ARMCX4: variants seen among roughly 807,000 people sequenced by gnomAD.
The protein encoded by ARMCX4 is armadillo repeat-containing X-linked protein 4.
A neutral mutation model predicts 34.7 loss-of-function variants in ARMCX4; 3 were observed. That is an observed-to-expected ratio of 0.09 (90% CI 0.04 to 0.22). The LOEUF is 0.22. Among genes scored for constraint, ARMCX4 ranks in the 10% least tolerant of loss-of-function variants. The probability of loss-of-function intolerance (pLI) is 1.00; values close to 1 mark genes in which losing one functional copy is unlikely to be tolerated. For synonymous variants in ARMCX4, 513 were observed against 632.8 expected (o/e 0.81, Z 2.84); for missense variants, 1,448 against 1,720.8 (o/e 0.84, Z 2.81).
At chrX:101,461,753 A>C (rs1932620189) in intron 4 of ARMCX4, among the ~76,000 whole-genome samples, 1 of 112,030 alleles carries the variant, frequency 8.9e-6, no homozygotes, top group Non-Finnish European at 1.9e-5. Context: ...TTTTTAAATA[A>C]TAGCCATCCT....
In ARMCX4 at chrX:101,490,528, A is replaced by G; in HGVS notation, c.1939A>G (p.Lys647Glu). Reference protein sequence around the residue: ...QGEALLGTKNKVKGNPNVVLK... With the variant: ...QGEALLGTKNEVKGNPNVVLK... ...TGAGGCCTTGCTTGGCACCAAGAAT[A>G]AAGTTAAGGGTAATCCCAATGTTGT... Residue 647 changes from lysine to glutamate, a missense_variant, in exon 6 of 6, where the codon AAA becomes GAA. Transcript: ENST00000423738. 4 of 1,156,094 alleles carry G rather than the reference A, an allele frequency of 3.5e-6. No homozygotes were observed. Among genetic ancestry groups the G allele is most frequent in the Non-Finnish European group, 4.6e-6 (4 of 872,975 alleles).
At chrX:101,461,859 A>G (rs1556001258) in intron 4 of ARMCX4, among the ~76,000 whole-genome samples, 1 of 112,323 alleles carries the variant, frequency 8.9e-6, no homozygotes, top group Admixed American at 9.5e-5. Flanking sequence ...ACATTATTGA[A>G]AAATTTAAAA....
intron 11 of ARMCX4, chrX:101,531,511 A>C (rs144089026): frequency 1.7e-3 from 186 of 112,488 alleles, no homozygotes; most frequent in African/African-American, 5.7e-3. Flanking sequence ...AGTAAACATG[A>C]GAGGTCAGTC....
chrX:101,499,742 C>T (rs147107169), downstream of ARMCX4, among the ~76,000 whole-genome samples: 2,035 of 111,854 alleles, frequency 0.018, 15 homozygotes, highest in Non-Finnish European at 0.028. Context: ...AACACAGTAC[C>T]CCTAGTGGGT....
At chrX:101,521,513 G>T (rs782124552) in intron 11 of ARMCX4, among the ~76,000 whole-genome samples, 2 of 110,222 alleles carry the variant, frequency 1.8e-5, no homozygotes, top group African/African-American at 6.6e-5. Context: ...CCAGACTTTG[G>T]TTCTATTGGT....
At chrX:101,442,949 G>A (rs947637222) in intron 2 of ARMCX4, among the ~76,000 whole-genome samples, 21 of 109,720 alleles carry the variant, frequency 1.9e-4, no homozygotes, top group African/African-American at 5.3e-4. Flanking sequence ...TGGCTAACTC[G>A]GTGAAACTCT....
intron 2 of ARMCX4, among the ~76,000 whole-genome samples, chrX:101,436,128 C>G (rs1476021846): frequency 1.8e-5 from 2 of 108,196 alleles, no homozygotes; most frequent in Admixed American, 1.0e-4. Flanking sequence ...GCAATGCAGG[C>G]TCTTTTTTGG....
chrX:101,459,044 T>C (rs1395661487), intron 4 of ARMCX4, among the ~76,000 whole-genome samples: 5 of 111,506 alleles, frequency 4.5e-5, no homozygotes, highest in Non-Finnish European at 9.4e-5. Context: ...TGGGTATAAG[T>C]ATGCTATTCA....
rs1352354169 is a variant in ARMCX4 at position 101,425,489 on chromosome X, G to A, written n.164+6489G>A. 1.7e-4 allele frequency among the ~76,000 whole-genome samples: 18 copies of A among 108,969 alleles called. No homozygotes were observed. In the Admixed American group the frequency reaches 1.8e-3, roughly 11 times the overall value. The allele number at this position is 108,969 out of a possible 115,157, so 94.6% of individuals were successfully genotyped here. A position where few individuals can be genotyped will look rare whatever the true frequency, so the allele number is the denominator to read the frequency against. On this transcript the variant is annotated intron_variant and non_coding_transcript_variant, in intron 2 of 3. Transcript: ENST00000430461. ...GCTCACTGCAACTTCCGCCTCCCGG[G>A]TTCAAGCAATTTTCCTGCCTCAGCC...
At position 101,491,296 on chromosome X, in the gene ARMCX4, G is replaced by C. The variant is rs1933968519; in HGVS notation, c.2707G>C (p.Asp903His). 1.7e-6 allele frequency: 2 copies of C among 1,155,982 alleles called. No individual in the cohort carries two copies. The highest frequency in any genetic ancestry group is 1.1e-6 in the Non-Finnish European group (1 of 872,796). ...NVVSKAGARE[D>H]TMGSAQPQVV... is the part of the protein sequence containing the mutation. Reference sequence around the variant, plus strand: ...TGTGTCTAAGGCAGGGGCCAGAGAAGATACAATGGGCTCTGCCCAGCCTCA... The same window carrying C: ...TGTGTCTAAGGCAGGGGCCAGAGAACATACAATGGGCTCTGCCCAGCCTCA... Residue 903 changes from aspartate (D) to histidine (H), a missense_variant, in exon 6 of 6, where the codon GAT becomes CAT. This residue lies in a region of ARMCX4 where 1,343 missense variants were observed against 1,540.7 expected (regional missense o/e 0.87). Transcript: ENST00000423738.
At chrX:101,447,537 T>C (rs1603136861), downstream of ARMCX4, 1 of 111,878 alleles carries the variant, frequency 8.9e-6, no homozygotes. Flanking sequence ...AATCTGATAA[T>C]GAAACAAACA....
At chrX:101,421,709 C>T (rs782120624) in intron 2 of ARMCX4, among the ~76,000 whole-genome samples, 3 of 110,264 alleles carry the variant, frequency 2.7e-5, no homozygotes. Context: ...AAAGAAGGGC[C>T]AAGAGATAGA....
intron 11 of ARMCX4, among the ~76,000 whole-genome samples, chrX:101,530,324 G>A (rs1286371147): frequency 2.7e-5 from 3 of 110,938 alleles, no homozygotes; most frequent in African/African-American, 9.9e-5. Flanking sequence ...TCACACACCG[G>A]AGCCTTCCGT....
intron 11 of ARMCX4, among the ~76,000 whole-genome samples, chrX:101,530,490 AT>A (rs1225255790): frequency 1.8e-5 from 2 of 112,129 alleles, no homozygotes; most frequent in African/African-American, 6.5e-5. Context: ...TAATAAAAAA[AT>A]AAAAAATAAA....
At position 101,488,869 on chromosome X, in the gene ARMCX4, A is replaced by G. The variant is rs1183815718; in HGVS notation, c.280A>G (p.Ile94Val). ...RAEVETKATA[I>V]AIHRANSQAK... ...TGAAGTAGAGACCAAGGCCACTGCT[A>G]TAGCCATACACAGAGCCAACTCTCA... The change falls in exon 6 of 6, where the codon ATA becomes GTA. Residue 94 changes from isoleucine to valine, a missense_variant. By Grantham distance (29) the Ile-to-Val change is conservative (BLOSUM62 3). This residue lies in a region of ARMCX4 where 1,343 missense variants were observed against 1,540.7 expected (regional missense o/e 0.87). Transcript: ENST00000423738. 3.5e-6 allele frequency: 4 copies of G among 1,155,803 alleles called. No individual in the cohort carries two copies. The highest frequency in any genetic ancestry group is 4.6e-6 in the Non-Finnish European group (4 of 872,662).
At chrX:101,535,802 T>TTTAATGAA (rs1935208909), downstream of ARMCX4, among the ~76,000 whole-genome samples, 1 of 112,146 alleles carries the variant, frequency 8.9e-6, no homozygotes. Flanking sequence ...GGTTACTTTT[T>TTTAATGAA]AAGTCCCTTT....
intron 11 of ARMCX4, among the ~76,000 whole-genome samples, chrX:101,523,421 A>G (rs782361564): frequency 8.9e-6 from 1 of 112,434 alleles, no homozygotes. Flanking sequence ...AGCCATCCAC[A>G]TATCCAATGG....
chrX:101,533,997 A>T, downstream of ARMCX4, among the ~76,000 whole-genome samples: 1 of 111,858 alleles, frequency 8.9e-6, no homozygotes, highest in Admixed American at 9.5e-5. Context: ...TTATGAAATC[A>T]ATAGAATAAA....
At chrX:101,441,907 C>G (rs782636412) in intron 2 of ARMCX4, among the ~76,000 whole-genome samples, 6 of 111,387 alleles carry the variant, frequency 5.4e-5, no homozygotes, top group Non-Finnish European at 7.5e-5. Flanking sequence ...TCCCTGCATC[C>G]CAGACTAAAT....
Sources: allele counts gnomAD v4.1 joint callset (sites outside exome capture counted in the v4.1 genomes callset), GRCh38; gene constraint gnomAD v4.1.1; regional missense constraint gnomAD v4.1.1; transcripts MANE v1.5; gene names NCBI Gene and HGNC (gene_info 2026-07-23, HGNC 2026-07-21).